Variants in EIPR1 observed in about 807,000 individuals in gnomAD.
EIPR1 encodes EARP complex and GARP complex interacting protein 1.
A neutral mutation model predicts 48.1 loss-of-function variants in EIPR1; 25 were observed. The ratio of observed to expected loss-of-function variants is 0.52; its 90% CI spans 0.38 to 0.73. The LOEUF (loss-of-function observed/expected upper bound fraction) is 0.73. Ranked by LOEUF, EIPR1 falls within the 30% of genes least tolerant of loss-of-function variation. The probability of loss-of-function intolerance (pLI) is 0.00; values close to 1 mark genes in which losing one functional copy is unlikely to be tolerated. For missense variants in EIPR1, 415 were observed against 506.2 expected (o/e 0.82, Z 1.73); for synonymous variants, 204 against 201.9 (o/e 1.01, Z -0.09).
At chr2:3,244,674 G>T (rs1265243342) in intron 4 of EIPR1, among the ~76,000 whole-genome samples, 2 of 152,166 alleles carry the variant, frequency 1.3e-5, no homozygotes, top group African/African-American at 4.8e-5. Flanking sequence ...ACGAAGAGGG[G>T]CCTCACCAGA....
intron 3 of EIPR1, among the ~76,000 whole-genome samples, chr2:3,269,330 C>T (rs1170783242): frequency 1.3e-4 from 12 of 95,488 alleles, no homozygotes; most frequent in Non-Finnish European, 2.4e-4. Context: ...CGCACTCAAT[C>T]ATCATCACAC....
intron 4 of EIPR1, among the ~76,000 whole-genome samples, chr2:3,255,948 T>C (rs1667141799): frequency 6.6e-6 from 1 of 152,196 alleles, no homozygotes; most frequent in South Asian, 2.1e-4. Flanking sequence ...CTAACAGTGC[T>C]GTGTGGTTTG....
intron 3 of EIPR1, among the ~76,000 whole-genome samples, chr2:3,299,864 AC>A (rs1313237291): frequency 6.6e-6 from 1 of 152,148 alleles, no homozygotes; most frequent in Non-Finnish European, 1.5e-5. Flanking sequence ...CAGTCTCGGC[AC>A]CACCACTCAC....
intron 3 of EIPR1, among the ~76,000 whole-genome samples, chr2:3,258,897 A>G (rs1404558712): frequency 2.0e-5 from 3 of 152,208 alleles, no homozygotes; most frequent in African/African-American, 7.2e-5. Flanking sequence ...GAGTGTACAG[A>G]CAGTTCTGTC....
At chr2:3,375,726 G>A (rs1659855357) in intron 1 of EIPR1, among the ~76,000 whole-genome samples, 2 of 152,198 alleles carry the variant, frequency 1.3e-5, no homozygotes, top group African/African-American at 4.8e-5. Flanking sequence ...CCTTGGACAG[G>A]TAACTATTCT....
chr2:3,303,522 G>A (rs1025415992), intron 3 of EIPR1, among the ~76,000 whole-genome samples: 10 of 152,350 alleles, frequency 6.6e-5, no homozygotes, highest in Admixed American at 6.5e-4. Flanking sequence ...ACGCTGCCAC[G>A]TCTGAATCAG....
At chr2:3,267,581 A>G (rs1015284891) in intron 3 of EIPR1, among the ~76,000 whole-genome samples, 21 of 152,212 alleles carry the variant, frequency 1.4e-4, no homozygotes, top group Non-Finnish European at 2.6e-4. Context: ...ATAAAGATTG[A>G]GCTAGCAATT....
intron 1 of EIPR1, among the ~76,000 whole-genome samples, chr2:3,365,764 G>A (rs1406617244): frequency 6.6e-6 from 1 of 151,078 alleles, no homozygotes; most frequent in East Asian, 1.9e-4. Context: ...TTAACCCTGA[G>A]TGGACACAGC....
intron 3 of EIPR1, among the ~76,000 whole-genome samples, chr2:3,321,419 A>G (rs1356674108): frequency 6.6e-6 from 1 of 152,180 alleles, no homozygotes; most frequent in Non-Finnish European, 1.5e-5. Flanking sequence ...GTCTTTAAGC[A>G]GGCACTTGAC....
intron 4 of EIPR1, among the ~76,000 whole-genome samples, chr2:3,222,969 A>G (rs1665945948): frequency 6.6e-6 from 1 of 152,100 alleles, no homozygotes. Flanking sequence ...TTAAGAGATA[A>G]ATGTCAAGGC....
chr2:3,348,291 A>G (rs897776441), intron 2 of EIPR1, among the ~76,000 whole-genome samples: 1 of 152,164 alleles, frequency 6.6e-6, no homozygotes, highest in Non-Finnish European at 1.5e-5. Context: ...CTTCCATGTT[A>G]GAAGAGGCAA....
chr2:3,326,829 T>C (rs1254968165), intron 3 of EIPR1, among the ~76,000 whole-genome samples: 1 of 152,274 alleles, frequency 6.6e-6, no homozygotes, highest in African/African-American at 2.4e-5. Context: ...CTCACTGAGA[T>C]GATAATTTCA....
At chr2:3,321,290 T>TGCACAGAAAACA (rs1258233261) in intron 3 of EIPR1, among the ~76,000 whole-genome samples, 3 of 152,196 alleles carry the variant, frequency 2.0e-5, no homozygotes, top group Admixed American at 6.5e-5. Flanking sequence ...GGAGTCAATC[T>TGCACAGAAAACA]TTTAACATCT....
intron 3 of EIPR1, among the ~76,000 whole-genome samples, chr2:3,278,300 T>A (rs1572389040): frequency 6.6e-6 from 1 of 152,166 alleles, no homozygotes; most frequent in Admixed American, 6.5e-5. Flanking sequence ...CTGTGGTTGG[T>A]GCCACTGCCC....
intron 3 of EIPR1, among the ~76,000 whole-genome samples, chr2:3,326,065 C>T (rs1669688781): frequency 6.6e-6 from 1 of 152,166 alleles, no homozygotes; most frequent in Non-Finnish European, 1.5e-5. Flanking sequence ...GCTATGGCTG[C>T]AGCACTGCCC....
chr2:3,243,834 C>T (rs922636457), intron 4 of EIPR1, among the ~76,000 whole-genome samples: 2 of 152,166 alleles, frequency 1.3e-5, no homozygotes, highest in African/African-American at 4.8e-5. Context: ...CAGATATGGG[C>T]TGTGACGTAC....
chr2:3,306,488 CTGTG>C (rs1022348900), intron 3 of EIPR1, among the ~76,000 whole-genome samples: 1 of 152,194 alleles, frequency 6.6e-6, no homozygotes, highest in Admixed American at 6.5e-5. Context: ...ACTGAAAAAT[CTGTG>C]TGTAACTTTT....
chr2:3,319,625 G>C (rs1295364760), intron 3 of EIPR1: 1 of 171,160 alleles, frequency 5.8e-6, no homozygotes, highest in African/African-American at 2.4e-5. Flanking sequence ...TACAGTCGAG[G>C]CTGTTCTGTC....
chr2:3,327,200 T>C (rs1669723730), intron 3 of EIPR1, among the ~76,000 whole-genome samples: 1 of 152,210 alleles, frequency 6.6e-6, no homozygotes, highest in Non-Finnish European at 1.5e-5. Flanking sequence ...TTCATTTATT[T>C]TTTGAGACAG....
Sources: gnomAD v4.1 joint callset for allele counts (sites outside exome capture counted in the v4.1 genomes callset) on GRCh38, gnomAD v4.1.1 for gene constraint, MANE v1.5 for transcripts, NCBI Gene and HGNC (gene_info 2026-07-23, HGNC 2026-07-21) for gene names.